PRKN: variants seen among roughly 807,000 people sequenced by gnomAD.
The protein encoded by PRKN is E3 ubiquitin-protein ligase parkin.
A neutral mutation model predicts 59.5 loss-of-function variants in PRKN; 56 were observed. That is an observed-to-expected ratio of 0.94 (90% CI 0.76 to 1.18). The LOEUF (loss-of-function observed/expected upper bound fraction) is 1.18, where lower values mean the gene tolerates loss of function less well. Among genes scored for constraint, PRKN ranks in the 50% most tolerant of loss-of-function variants. The pLI is 0.00. For missense variants in PRKN, 657 were observed against 596.4 expected, an observed-to-expected ratio of 1.10 and a Z score of -1.06; for synonymous variants, 250 against 222.1, an observed-to-expected ratio of 1.13 and a Z score of -1.12.
At chr6:161,558,014 G>C (rs1458406115) in intron 8 of PRKN, among the ~76,000 whole-genome samples, 2 of 152,124 alleles carry the variant, frequency 1.3e-5, no homozygotes, top group Non-Finnish European at 1.5e-5. Context: ...AGAGCAGAGG[G>C]GTCGTGATCA....
Position 162,020,353 on chromosome 6 carries a change from A to C in PRKN, c.618+33738T>G, listed in dbSNP as rs1582905288. On this transcript the variant is annotated intron_variant, in intron 5 of 11. Transcript: ENST00000366898. ...GAATCAAAAAAAAAAAAAAAAAAAA[A>C]AAAAACAGATAAAAACAAAGAAACA... Among the ~76,000 whole-genome samples the C allele has an allele frequency of 2.7e-5, 4 of 149,560 alleles. No homozygotes were observed. The South Asian group carries it at 6.3e-4, about 23-fold the overall frequency.
At chr6:162,158,717 C>T (rs1782632111) in intron 4 of PRKN, among the ~76,000 whole-genome samples, 1 of 151,980 alleles carries the variant, frequency 6.6e-6, no homozygotes, top group African/African-American at 2.4e-5. Context: ...AGGTGTAAGC[C>T]ACCGCGTCCA....
At chr6:162,269,892 G>A (rs1780301203) in intron 2 of PRKN, 1 of 152,070 alleles carries the variant, frequency 6.6e-6, no homozygotes, top group South Asian at 2.1e-4. Context: ...TGGATGCGGT[G>A]ATCAGGGAAC....
intron 6 of PRKN, among the ~76,000 whole-genome samples, chr6:161,895,747 T>C (rs1583311787): frequency 6.7e-6 from 1 of 148,580 alleles, no homozygotes; most frequent in East Asian, 2.0e-4. Flanking sequence ...ATGCTCTTTT[T>C]CACCCGTAGT....
At chr6:162,007,958 T>C (rs1379970265) in intron 5 of PRKN, among the ~76,000 whole-genome samples, 2 of 152,178 alleles carry the variant, frequency 1.3e-5, no homozygotes, top group African/African-American at 2.4e-5. Context: ...ATTATAGCTG[T>C]GGATATATTT....
Position 161,973,396 on chromosome 6 carries a change from C to T in PRKN, c.640G>A (p.Ala214Thr), listed in dbSNP as rs1425142690. Residue 214 changes from alanine (A) to threonine (T), a missense_variant, in exon 6 of 12, where the codon GCA (alanine) becomes ACA (threonine). Transcript: ENST00000366898. ...TSAEFFFKCG[A>T]HPTSDKETSV... Reference sequence around the variant, plus strand: ...GTTTCCTTGTCAGAGGTGGGGTGTGCTCCACATTTAAAGAAAAATTCCTGA... The same window carrying T: ...GTTTCCTTGTCAGAGGTGGGGTGTGTTCCACATTTAAAGAAAAATTCCTGA... 1 of 1,612,286 alleles carries T rather than the reference C, an allele frequency of 6.2e-7. No individual in the cohort carries two copies. Among genetic ancestry groups the T allele is most frequent in the Non-Finnish European group, 8.5e-7 (1 of 1,178,384 alleles).
intron 4 of PRKN, among the ~76,000 whole-genome samples, chr6:162,077,604 A>C (rs1234894918): frequency 3.9e-5 from 6 of 152,058 alleles, no homozygotes; most frequent in Admixed American, 3.3e-4. Flanking sequence ...CACTCCCACT[A>C]CTAATTTTAT....
chr6:162,074,678 G>A (rs1020004265), intron 4 of PRKN, among the ~76,000 whole-genome samples: 9 of 152,088 alleles, frequency 5.9e-5, no homozygotes, highest in Non-Finnish European at 1.3e-4. Context: ...TAGTGTAAGT[G>A]AAGTGACTCG....
At chr6:162,516,046 C>G (rs1283167465) in intron 1 of PRKN, among the ~76,000 whole-genome samples, 1 of 152,196 alleles carries the variant, frequency 6.6e-6, no homozygotes, top group East Asian at 1.9e-4. Flanking sequence ...CTTCTTTGCG[C>G]TAATGCAGCG....
intron 1 of PRKN, among the ~76,000 whole-genome samples, chr6:162,711,240 G>C (rs1159491223): frequency 6.6e-6 from 1 of 152,160 alleles, no homozygotes; most frequent in East Asian, 1.9e-4. Flanking sequence ...TGACTTGTCT[G>C]CTTTGCCATT....
intron 6 of PRKN, among the ~76,000 whole-genome samples, chr6:161,827,903 G>C (rs1472663630): frequency 6.6e-6 from 1 of 152,102 alleles, no homozygotes; most frequent in Non-Finnish European, 1.5e-5. Flanking sequence ...TGACTATTTA[G>C]TTACCAGCTT....
intron 4 of PRKN, among the ~76,000 whole-genome samples, chr6:162,187,960 G>A (rs1362733104): frequency 6.6e-6 from 1 of 152,144 alleles, no homozygotes; most frequent in African/African-American, 2.4e-5. Flanking sequence ...CACGTCATAA[G>A]AGGAACCCAG....
intron 9 of PRKN, among the ~76,000 whole-genome samples, chr6:161,436,429 T>C (rs1413879557): frequency 4.1e-5 from 6 of 148,076 alleles, no homozygotes; most frequent in Non-Finnish European, 8.9e-5. Context: ...TAGAATGTTT[T>C]TGGCCACTCT....
intron 2 of PRKN, among the ~76,000 whole-genome samples, chr6:162,356,747 T>TAAAAAA (rs748212596): frequency 4.4e-4 from 32 of 72,994 alleles, no homozygotes; most frequent in Non-Finnish European, 5.5e-4. Flanking sequence ...TGATTATTAG[T>TAAAAAA]AAAAAAAAAA....
intron 7 of PRKN, among the ~76,000 whole-genome samples, chr6:161,700,484 C>T (rs1365291297): frequency 6.6e-6 from 1 of 152,146 alleles, no homozygotes; most frequent in African/African-American, 2.4e-5. Context: ...CTCCAGGGCA[C>T]AGGGTCACCT....
chr6:162,363,548 TCTTTC>T (rs924741970), intron 2 of PRKN, among the ~76,000 whole-genome samples: 3 of 152,154 alleles, frequency 2.0e-5, no homozygotes, highest in African/African-American at 7.2e-5. Flanking sequence ...ACATTTTTCT[TCTTTC>T]ATTTCTATGC....
chr6:162,135,773 C>G (rs1002229848), intron 4 of PRKN, among the ~76,000 whole-genome samples: 47 of 152,110 alleles, frequency 3.1e-4, no homozygotes, highest in African/African-American at 1.1e-3. Flanking sequence ...AGGGGAGGGG[C>G]CATTTTCAGT....
intron 6 of PRKN, among the ~76,000 whole-genome samples, chr6:161,856,441 G>A (rs184830577): frequency 4.3e-4 from 65 of 152,052 alleles, no homozygotes; most frequent in African/African-American, 1.3e-3. Context: ...AAAAAAAGGC[G>A]CTGATATATG....
At chr6:162,488,227 T>A (rs1792646721) in intron 1 of PRKN, among the ~76,000 whole-genome samples, 1 of 152,166 alleles carries the variant, frequency 6.6e-6, no homozygotes, top group South Asian at 2.1e-4. Flanking sequence ...TCTTTGACTT[T>A]CTTTCTTTGT....
Sources: gnomAD v4.1 joint callset for allele counts (sites outside exome capture counted in the v4.1 genomes callset) on GRCh38, gnomAD v4.1.1 for gene constraint, MANE v1.5 for transcripts, NCBI Gene and HGNC (gene_info 2026-07-23, HGNC 2026-07-21) for gene names.